Variants in ERICH1 observed in about 807,000 individuals in gnomAD.
The protein encoded by ERICH1 is glutamate rich 1.
In ERICH1, 56 loss-of-function variants were observed where a neutral mutation model predicts 39.6. The ratio of observed to expected loss-of-function variants is 1.41; its 90% CI spans 1.14 to 1.77. The LOEUF (loss-of-function observed/expected upper bound fraction) is 1.77. Among genes scored for constraint, ERICH1 ranks in the 40% most tolerant of loss-of-function variants. ERICH1 has a pLI of 0.00. For synonymous variants in ERICH1, 313 were observed against 223.6 expected, an observed-to-expected ratio of 1.40 and a Z score of -3.57; for missense variants, 826 against 575.4, an observed-to-expected ratio of 1.44 and a Z score of -4.45.
At chr8:628,762 C>T (rs991287557) in intron 3 of ERICH1, among the ~76,000 whole-genome samples, 2 of 152,220 alleles carry the variant, frequency 1.3e-5, no homozygotes, top group African/African-American at 4.8e-5. Flanking sequence ...GAAGCTGCAG[C>T]CCTGGGGTGA....
At chr8:726,953 G>GCA (rs1818885002) in intron 1 of ERICH1, among the ~76,000 whole-genome samples, 1 of 140,460 alleles carries the variant, frequency 7.1e-6, no homozygotes, top group African/African-American at 2.8e-5. Flanking sequence ...CACCACACAG[G>GCA]CACATACACA....
At chr8:637,028 C>G (rs566851925) in intron 3 of ERICH1, among the ~76,000 whole-genome samples, 6 of 152,234 alleles carry the variant, frequency 3.9e-5, no homozygotes, top group Non-Finnish European at 8.8e-5. Context: ...CGAAGGCGTC[C>G]AAACCAGCTC....
intron 3 of ERICH1, chr8:626,491 G>A (rs1187334965): frequency 6.5e-6 from 1 of 153,200 alleles, no homozygotes; most frequent in Non-Finnish European, 1.5e-5. Context: ...TAATAACATG[G>A]TGCCCAGTGC....
At chr8:656,761 T>C in intron 3 of ERICH1, 1 of 985,444 alleles carries the variant, frequency 1.0e-6, no homozygotes, top group African/African-American at 1.7e-5. Context: ...TCAGCTAGTG[T>C]TGTGCCAAAC....
intron 2 of ERICH1, among the ~76,000 whole-genome samples, chr8:705,391 G>A (rs543673226): frequency 1.2e-4 from 19 of 152,184 alleles, no homozygotes; most frequent in East Asian, 3.9e-4. Context: ...TTTTACCCCC[G>A]GCCAAGACTT....
At position 692,548 on chromosome 8, in the gene ERICH1, G is replaced by T. The variant is rs61741833; in HGVS notation, c.234C>A (p.Tyr78Ter). ...TGCTGGGCTCCGGCCAACAGGGGAC[G>T]TAGCCCTCAGGAGGCCCGCTGGCAG... ...LYTASGPPEG[Y>*]VPCWPEPSSC... is the part of the protein sequence containing the mutation. The change falls in exon 3 of 6, where the codon TAC (tyrosine) becomes TAA (stop). Residue 78 changes from tyrosine (Y) to a stop codon, truncating the protein, a stop_gained. Transcript: ENST00000262109. LOFTEE classifies it high-confidence loss of function. 3 of 1,613,500 alleles carry T rather than the reference G, an allele frequency of 1.9e-6. No individual in the cohort carries two copies. The Admixed American group carries it at 5.0e-5, about 27-fold the overall frequency.
intron 1 of ERICH1, among the ~76,000 whole-genome samples, chr8:725,559 C>T (rs1818409653): frequency 6.6e-6 from 1 of 152,268 alleles, no homozygotes; most frequent in Non-Finnish European, 1.5e-5. Flanking sequence ...CTTCCCTCTC[C>T]AGCTGTACAC....
intron 3 of ERICH1, among the ~76,000 whole-genome samples, chr8:634,759 G>A (rs191531213): frequency 2.6e-5 from 4 of 152,226 alleles, no homozygotes; most frequent in Admixed American, 6.5e-5. Flanking sequence ...TGACCTTGGC[G>A]ACCGGAAGCC....
At chr8:634,964 G>A (rs1277537413) in intron 3 of ERICH1, among the ~76,000 whole-genome samples, 63 of 152,214 alleles carry the variant, frequency 4.1e-4, no homozygotes, top group Non-Finnish European at 7.3e-5. Flanking sequence ...GGGAAGGAAG[G>A]AGGGAAAGGG....
chr8:696,244 A>C (rs1455484582), intron 2 of ERICH1, among the ~76,000 whole-genome samples: 36 of 18,140 alleles, frequency 2.0e-3, no homozygotes, highest in Non-Finnish European at 2.8e-3. Context: ...CTCACCCTCC[A>C]CTCCTCTCCT....
At chr8:650,304 T>C (rs1288307419) in intron 3 of ERICH1, among the ~76,000 whole-genome samples, 4 of 152,210 alleles carry the variant, frequency 2.6e-5, no homozygotes, top group Middle Eastern at 3.2e-3. Flanking sequence ...TCGCTGGGTC[T>C]CCCCGTTCCA....
rs1354667607 is a variant in ERICH1, at chr8:731,127, C to T, written c.22+13G>A. On this transcript the variant is annotated intron_variant, in intron 1 of 5. Coordinates refer to ENST00000262109, the MANE Select transcript of ERICH1 (RefSeq NM_207332.3). ...CTGGGGTCTGGGCAGGCCTCCGCAC[C>T]GCACCCACCTACCGTGCTTCCTGTG... The T allele has an allele frequency of 6.6e-7, 1 of 1,516,360 alleles. No homozygotes were observed. Among genetic ancestry groups the T allele is most frequent in the Admixed American group, 2.0e-5 (1 of 49,368 alleles). The allele number at this position is 1,516,360 out of a possible 1,614,324, so 93.9% of individuals were successfully genotyped here.
In ERICH1 at chr8:639,780, G is replaced by C. The variant is rs1025757565; in HGVS notation, c.977-24496C>G. ...TCAGAGGCAGCCACCAATCCAGTTA[G>C]CACACATGACCGAGCACCCTGGATT... is the stretch of plus-strand genomic sequence containing the variant. On this transcript the variant is annotated intron_variant, in intron 3 of 3. Transcript: ENST00000522706. 8.7e-5 allele frequency among the ~76,000 whole-genome samples: 11 copies of C among 126,050 alleles called. 3 individuals carry two copies. Among genetic ancestry groups the C allele is most frequent in the African/African-American group, 3.4e-4 (11 of 32,336 alleles). The allele number at this position is 126,050 out of a possible 152,430, so 82.7% of individuals were successfully genotyped here. A position where few individuals can be genotyped will look rare whatever the true frequency, so the allele number is the denominator to read the frequency against.
chr8:688,473 C>A (rs1396167177), intron 3 of ERICH1, among the ~76,000 whole-genome samples: 1 of 151,844 alleles, frequency 6.6e-6, no homozygotes, highest in Non-Finnish European at 1.5e-5. Context: ...AGGAGCCTCC[C>A]CAGCTAGGGT....
At chr8:693,216 G>A (rs891176807) in intron 2 of ERICH1, among the ~76,000 whole-genome samples, 2 of 151,628 alleles carry the variant, frequency 1.3e-5, no homozygotes, top group Admixed American at 6.6e-5. Flanking sequence ...ACACAGACAT[G>A]TACAGAGACA....
rs1399098096 is a variant in ERICH1 at position 709,028 on chromosome 8, G to C, written c.169+6833C>G. Among the ~76,000 whole-genome samples the C allele has an allele frequency of 3.9e-5, 6 of 152,012 alleles. No individual in the cohort carries two copies. The East Asian group carries it at 9.6e-4, about 24-fold the overall frequency. On this transcript the variant is annotated intron_variant, in intron 2 of 5. Transcript: ENST00000262109. Reference sequence around the variant, plus strand: ...TTTTTGGTGTGGTAAGAATATTCTGGAATTAGATGGTGGTAATGGAATGGT... The same window carrying C: ...TTTTTGGTGTGGTAAGAATATTCTGCAATTAGATGGTGGTAATGGAATGGT...
At chr8:686,467 A>T (rs1327272941) in intron 3 of ERICH1, among the ~76,000 whole-genome samples, 1 of 151,526 alleles carries the variant, frequency 6.6e-6, no homozygotes, top group South Asian at 2.1e-4. Flanking sequence ...AAAAAAAAAC[A>T]AAAACAAAAA....
At chr8:687,752 A>G (rs1807798599) in intron 3 of ERICH1, among the ~76,000 whole-genome samples, 1 of 152,014 alleles carries the variant, frequency 6.6e-6, no homozygotes, top group Admixed American at 6.5e-5. Context: ...GGAGCGCGCC[A>G]GGCCCGCGGG....
chr8:678,167 C>G (rs1481102013), intron 3 of ERICH1, among the ~76,000 whole-genome samples: 1 of 151,948 alleles, frequency 6.6e-6, no homozygotes, highest in Non-Finnish European at 1.5e-5. Context: ...AAAAAAGAGA[C>G]TGGACATCCT....
Sources: allele counts gnomAD v4.1 joint callset (sites outside exome capture counted in the v4.1 genomes callset), GRCh38; gene constraint gnomAD v4.1.1; transcripts MANE v1.5; gene names NCBI Gene and HGNC (gene_info 2026-07-23, HGNC 2026-07-21).